MOXD1: variants seen among roughly 807,000 people sequenced by gnomAD.
The protein encoded by MOXD1 is monooxygenase DBH like 1.
Under a neutral mutation model 66.6 loss-of-function variants are expected in MOXD1, and 62 were observed. The ratio of observed to expected loss-of-function variants is 0.93; its 90% CI spans 0.76 to 1.15. MOXD1 has a LOEUF of 1.15. MOXD1 is among the 50% of genes most tolerant of loss of function. MOXD1 has a pLI of 0.00. For missense variants in MOXD1, 847 were observed against 754.6 expected (o/e 1.12, Z -1.44); for synonymous variants, 303 against 281.9 (o/e 1.07, Z -0.75).
At chr6:132,315,900 A>G (rs1774939995) in intron 9 of MOXD1, 123 bp from the exon 10 acceptor site, 1 of 1,009,346 alleles carries the variant, frequency 9.9e-7, no homozygotes, top group South Asian at 1.6e-5. Flanking sequence ...TTAAAGCTGA[A>G]AAGTTAAAAA....
Position 132,320,610 on chromosome 6 carries a change from A to G in MOXD1, c.1365+19T>C. On this transcript the variant is annotated intron_variant, in intron 9 of 11. Transcript: ENST00000367963. The stretch of plus-strand genomic sequence containing the variant: ...TTCTCTCCATAAATGAACTTTAATA[A>G]TAATAAAAGTTTTCTTACCCAAGTC... 6.3e-7 allele frequency: 1 copy of G among 1,577,806 alleles called. No individual in the cohort carries two copies. Among genetic ancestry groups the G allele is most frequent in the Non-Finnish European group, 8.6e-7 (1 of 1,159,762 alleles).
At chr6:132,357,298 A>G (rs553647593) in intron 4 of MOXD1, among the ~76,000 whole-genome samples, 42 of 152,232 alleles carry the variant, frequency 2.8e-4, no homozygotes, top group African/African-American at 1.0e-3. Flanking sequence ...TTGCTATATG[A>G]GTGGAAAATA....
chr6:132,316,104 A>T (rs1774945789), intron 9 of MOXD1, among the ~76,000 whole-genome samples: 4 of 152,090 alleles, frequency 2.6e-5, no homozygotes, highest in Admixed American at 2.6e-4. Flanking sequence ...TTTGCAGGAA[A>T]TTTTTCTGAT....
chr6:132,333,527 A>G (rs1479875382), intron 4 of MOXD1, among the ~76,000 whole-genome samples: 2 of 152,224 alleles, frequency 1.3e-5, no homozygotes, highest in Non-Finnish European at 2.9e-5. Context: ...TAGAAAGTAT[A>G]CGAATATAGA....
intron 8 of MOXD1, among the ~76,000 whole-genome samples, chr6:132,321,066 A>G (rs1582568816): frequency 6.6e-6 from 1 of 152,146 alleles, no homozygotes; most frequent in African/African-American, 2.4e-5. Context: ...GGAGTTCAAG[A>G]CCAGCCTGGC....
chr6:132,334,405 C>G (rs1303028290), intron 4 of MOXD1, among the ~76,000 whole-genome samples: 1 of 152,164 alleles, frequency 6.6e-6, no homozygotes, highest in Non-Finnish European at 1.5e-5. Context: ...CAGCCATTTT[C>G]TCCTGGAAGG....
intron 4 of MOXD1, among the ~76,000 whole-genome samples, chr6:132,362,177 G>A (rs1231249594): frequency 2.0e-5 from 3 of 151,862 alleles, no homozygotes; most frequent in Non-Finnish European, 4.4e-5. Context: ...ATATCCTATG[G>A]CAACACACAA....
At position 132,373,001 on chromosome 6, in the gene MOXD1, G is replaced by A. The variant is rs377463222; in HGVS notation, c.412-4C>T. On this transcript the variant is annotated splice_polypyrimidine_tract_variant and splice_region_variant and intron_variant, in intron 2 of 11. Coordinates refer to ENST00000367963, the MANE Select transcript of MOXD1 (RefSeq NM_015529.4). ...AGATCACTCTCACAGTGCTATCCTG[G>A]GGATCAGACATGGGCATGATTAGGT... The A allele has an allele frequency of 4.1e-4, 656 of 1,609,048 alleles. No individual in the cohort carries two copies. Among genetic ancestry groups the A allele is most frequent in the Non-Finnish European group, 5.4e-4 (636 of 1,176,836 alleles).
chr6:132,314,483 GC>G (rs1202641433), intron 10 of MOXD1, among the ~76,000 whole-genome samples: 1 of 152,092 alleles, frequency 6.6e-6, no homozygotes, highest in Non-Finnish European at 1.5e-5. Context: ...GCCTTATGTT[GC>G]CCATAAAGTC....
chr6:132,333,376 C>CAGTACATTAA (rs11281162), intron 4 of MOXD1, among the ~76,000 whole-genome samples: 62,838 of 148,514 alleles, frequency 0.42, 18,234 homozygotes, highest in African/African-American at 0.81. Context: ...TGTAATGTAT[C>CAGTACATTAA]AGAGTAGCAT....
intron 1 of MOXD1, among the ~76,000 whole-genome samples, chr6:132,394,825 C>G (rs1253214106): frequency 1.3e-5 from 2 of 151,750 alleles, no homozygotes; most frequent in Non-Finnish European, 2.9e-5. Flanking sequence ...ATAAAGTGAC[C>G]AAGTATTTGA....
At chr6:132,309,129 T>G (rs1774764395) in intron 10 of MOXD1, among the ~76,000 whole-genome samples, 1 of 152,182 alleles carries the variant, frequency 6.6e-6, no homozygotes, top group African/African-American at 2.4e-5. Flanking sequence ...CCCCATCATC[T>G]CAGCCCCAAG....
At chr6:132,310,201 C>A (rs1218546501) in intron 10 of MOXD1, among the ~76,000 whole-genome samples, 1 of 152,156 alleles carries the variant, frequency 6.6e-6, no homozygotes, top group African/African-American at 2.4e-5. Flanking sequence ...TATGAACAGA[C>A]ACTTCTCAAA....
intron 4 of MOXD1, among the ~76,000 whole-genome samples, chr6:132,363,553 C>G (rs1776059263): frequency 6.6e-6 from 1 of 152,002 alleles, no homozygotes; most frequent in Non-Finnish European, 1.5e-5. Context: ...AGAAGGCTAG[C>G]AAAATTGTAT....
chr6:132,354,710 G>C (rs1023588314), intron 4 of MOXD1, among the ~76,000 whole-genome samples: 4 of 152,212 alleles, frequency 2.6e-5, no homozygotes, highest in African/African-American at 9.6e-5. Flanking sequence ...CGGGGCCCTA[G>C]AACTCCCAAG....
chr6:132,384,346 C>G (rs1447288105), intron 1 of MOXD1, among the ~76,000 whole-genome samples: 1 of 150,542 alleles, frequency 6.6e-6, no homozygotes, highest in Non-Finnish European at 1.5e-5. Flanking sequence ...CTTCTTCCCT[C>G]TCCTTTCTTT....
intron 7 of MOXD1, among the ~76,000 whole-genome samples, chr6:132,323,251 G>A (rs1016419668): frequency 1.3e-5 from 2 of 152,156 alleles, no homozygotes; most frequent in Non-Finnish European, 2.9e-5. Flanking sequence ...GAAAGCGAAA[G>A]TGGGTCAATG....
At chr6:132,330,187 C>T (rs1425334619) in intron 4 of MOXD1, among the ~76,000 whole-genome samples, 4 of 152,140 alleles carry the variant, frequency 2.6e-5, no homozygotes, top group South Asian at 2.1e-4. Flanking sequence ...AGTACTGGTC[C>T]GTGGCCTGTT....
At position 132,387,751 on chromosome 6, in the gene MOXD1, T is replaced by TGAA. The variant is rs751701487; in HGVS notation, c.265-12975_265-12974insTTC. Among the ~76,000 whole-genome samples the TGAA allele has an allele frequency of 6.9e-4, 48 of 69,504 alleles. No individual in the cohort carries two copies. The East Asian group carries it at 6.9e-3, about 10-fold the overall frequency. The allele number at this position is 69,504 out of a possible 152,430, so 45.6% of individuals were successfully genotyped here. A position where few individuals can be genotyped will look rare whatever the true frequency, so the allele number is the denominator to read the frequency against. ...TCTGGCAAAAAAGTGAAACTCCATC[T>TGAA]AAAAAAAAAAAAAAAAAAAAAAAAG... is the stretch of plus-strand genomic sequence containing the variant. On this transcript the variant is annotated intron_variant, in intron 1 of 11. Coordinates refer to ENST00000367963, the MANE Select transcript of MOXD1 (RefSeq NM_015529.4).
Sources: allele counts gnomAD v4.1 joint callset (sites outside exome capture counted in the v4.1 genomes callset), GRCh38; gene constraint gnomAD v4.1.1; transcripts MANE v1.5; gene names NCBI Gene and HGNC (gene_info 2026-07-23, HGNC 2026-07-21).